Variants in ERC1 observed in about 807,000 individuals in gnomAD.
ERC1 encodes RAB6 interacting protein 2.
A neutral mutation model predicts 132.0 loss-of-function variants in ERC1; 56 were observed. The ratio of observed to expected loss-of-function variants is 0.42; its 90% confidence interval spans 0.34 to 0.53. The LOEUF is 0.53. Among genes scored for constraint, ERC1 ranks in the 20% least tolerant of loss-of-function variants. ERC1 has a pLI of 0.03. For synonymous variants in ERC1, 478 were observed against 476.1 expected, an observed-to-expected ratio of 1.00 and a Z score of -0.05; for missense variants, 1,202 against 1,349.9, an observed-to-expected ratio of 0.89 and a Z score of 1.72.
intron 3 of ERC1, among the ~76,000 whole-genome samples, chr12:1,093,973 A>ATTTCTG (rs1555236270): frequency 7.6e-6 from 1 of 131,274 alleles, no homozygotes; most frequent in South Asian, 2.5e-4. Flanking sequence ...ATATATATAT[A>ATTTCTG]TATATATATA....
rs56750908 is a variant in ERC1, at chr12:1,272,946, TAAAAAAAAAAAAA to T, written c.2619+9795_2619+9807del. Among the ~76,000 whole-genome samples the T allele has an allele frequency of 5.7e-5, 5 of 87,778 alleles. No individual in the cohort carries two copies. In the East Asian group the frequency reaches 1.4e-3, roughly 24 times the overall value. The allele number at this position is 87,778 out of a possible 152,430, so 57.6% of individuals were successfully genotyped here. ...CTCAGTGATAGAGTGAGACTCCGTC[TAAAAAAAAAAAAA>T]AAAAAAAAAAAAACCTTGAGTAGCT... On this transcript the variant is annotated intron_variant, in intron 14 of 18. Transcript: ENST00000360905.
At chr12:1,445,954 G>A (rs1261372004) in intron 18 of ERC1, among the ~76,000 whole-genome samples, 3 of 152,168 alleles carry the variant, frequency 2.0e-5, no homozygotes, top group South Asian at 4.1e-4. Context: ...TCCCAGATCA[G>A]GGCCCCAGCA....
chr12:990,586 G>A (rs1959171963), upstream of ERC1: 1 of 152,286 alleles, frequency 6.6e-6, no homozygotes. Flanking sequence ...GTCCATTGCT[G>A]GGGTCCTCGG....
intron 12 of ERC1, among the ~76,000 whole-genome samples, chr12:1,207,313 T>G (rs1438606006): frequency 6.7e-6 from 1 of 149,608 alleles, no homozygotes; most frequent in East Asian, 1.9e-4. Flanking sequence ...TTTTTTTAGC[T>G]AAAGCTTTTT....
chr12:1,077,173 GTTCTCTGTGA>G (rs1941490776), intron 2 of ERC1, among the ~76,000 whole-genome samples: 1 of 142,560 alleles, frequency 7.0e-6, no homozygotes, highest in Non-Finnish European at 1.6e-5. Flanking sequence ...AGTGTACTGA[GTTCTCTGTGA>G]TATATTTTGT....
At chr12:1,127,310 G>A (rs1005025394) in intron 7 of ERC1, among the ~76,000 whole-genome samples, 1 of 152,050 alleles carries the variant, frequency 6.6e-6, no homozygotes, top group African/African-American at 2.4e-5. Flanking sequence ...CTTTCCTGCT[G>A]GTCCACAAAA....
In ERC1 at chr12:1,490,679, C is replaced by A. The variant is rs894271067; in HGVS notation, c.*449C>A. On this transcript the variant is annotated 3_prime_UTR_variant, in exon 19 of 19. Coordinates refer to ENST00000360905, the MANE Select transcript of ERC1 (RefSeq NM_178040.4). ...GAGTGTTCTAATATCACAATAGGTG[C>A]TTTCTCCTAAAAGGGCAAAAAACAA... is the stretch of plus-strand genomic sequence containing the variant. 2 of 231,100 alleles carry A rather than the reference C, an allele frequency of 8.7e-6. No homozygotes were observed. Among genetic ancestry groups the A allele is most frequent in the East Asian group, 6.2e-5 (1 of 16,012 alleles). The allele number at this position is 231,100 out of a possible 1,614,324, so 14.3% of individuals were successfully genotyped here.
intron 14 of ERC1, among the ~76,000 whole-genome samples, chr12:1,267,206 T>A (rs2077536626): frequency 6.6e-6 from 1 of 152,244 alleles, no homozygotes; most frequent in Non-Finnish European, 1.5e-5. Flanking sequence ...AAGTGAATGA[T>A]CCCCACAGGG....
At chr12:1,360,342 C>T (rs2085968572) in intron 15 of ERC1, among the ~76,000 whole-genome samples, 1 of 152,120 alleles carries the variant, frequency 6.6e-6, no homozygotes, top group Non-Finnish European at 1.5e-5. Flanking sequence ...AAAATAAGAA[C>T]GTTGGAACTT....
chr12:1,173,335 G>A (rs1484812399), intron 8 of ERC1, among the ~76,000 whole-genome samples: 1 of 151,970 alleles, frequency 6.6e-6, no homozygotes, highest in African/African-American at 2.4e-5. Flanking sequence ...TTTAAGTGTT[G>A]GCTGCTTCTG....
At chr12:1,381,655 A>G in intron 16 of ERC1, among the ~76,000 whole-genome samples, 1 of 152,200 alleles carries the variant, frequency 6.6e-6, no homozygotes, top group South Asian at 2.1e-4. Flanking sequence ...GATTGTTCCT[A>G]CTGATGGTAT....
rs1451481330 is a variant in ERC1, at chr12:1,134,470, C to CT, written c.1570-7149dup. ...CAAGCGATCTTCCTGCTTCAGCCCC[C>CT]TGAGTAGCTAGAACTATAGGTGTGT... On this transcript the variant is annotated intron_variant, in intron 7 of 18. Coordinates refer to ENST00000360905, the MANE Select transcript of ERC1 (RefSeq NM_178040.4). Among the ~76,000 whole-genome samples, 7 of 151,796 alleles carry CT rather than the reference C, an allele frequency of 4.6e-5. No homozygotes were observed. The East Asian group carries it at 1.4e-3, about 29-fold the overall frequency.
chr12:1,243,435 G>C (rs920079509), intron 13 of ERC1, among the ~76,000 whole-genome samples: 3 of 151,864 alleles, frequency 2.0e-5, no homozygotes, highest in Non-Finnish European at 4.4e-5. Flanking sequence ...AAACGTGAGA[G>C]ATACTGAGGT....
At chr12:1,278,586 T>C (rs2078445706) in intron 14 of ERC1, among the ~76,000 whole-genome samples, 1 of 152,220 alleles carries the variant, frequency 6.6e-6, no homozygotes, top group African/African-American at 2.4e-5. Context: ...AATCAGATTC[T>C]GAATATTGAT....
intron 15 of ERC1, among the ~76,000 whole-genome samples, chr12:1,291,762 G>C (rs1001474126): frequency 6.6e-6 from 1 of 152,116 alleles, no homozygotes; most frequent in African/African-American, 2.4e-5. Context: ...ATTTTTGAGC[G>C]TCTGTTACAG....
intron 5 of ERC1, among the ~76,000 whole-genome samples, chr12:1,111,604 C>G (rs1210408391): frequency 6.6e-6 from 1 of 151,780 alleles, no homozygotes; most frequent in Non-Finnish European, 1.5e-5. Context: ...CTCACATACC[C>G]AACTTTTTTT....
chr12:1,044,242 A>G (rs1216724499), intron 2 of ERC1, among the ~76,000 whole-genome samples: 3 of 152,186 alleles, frequency 2.0e-5, no homozygotes, highest in Non-Finnish European at 4.4e-5. Context: ...ATAGAGTTGG[A>G]CTAGGTGATC....
chr12:1,460,057 T>C (rs1044189351), intron 18 of ERC1, among the ~76,000 whole-genome samples: 1 of 152,230 alleles, frequency 6.6e-6, no homozygotes, highest in African/African-American at 2.4e-5. Flanking sequence ...GTGAAATTTA[T>C]ACCAGAATAG....
intron 11 of ERC1, among the ~76,000 whole-genome samples, chr12:1,183,699 A>G (rs1384263663): frequency 6.6e-6 from 1 of 152,142 alleles, no homozygotes; most frequent in Non-Finnish European, 1.5e-5. Context: ...AATCTCTGTT[A>G]CCTGATATTT....
Sources: allele counts gnomAD v4.1 joint callset (sites outside exome capture counted in the v4.1 genomes callset), GRCh38; gene constraint gnomAD v4.1.1; transcripts MANE v1.5; gene names NCBI Gene and HGNC (gene_info 2026-07-23, HGNC 2026-07-21).